Variants in KATNA1 observed in about 807,000 individuals in gnomAD.
The protein encoded by KATNA1 is katanin p60 ATPase-containing subunit A1.
A neutral mutation model predicts 62.6 loss-of-function variants in KATNA1; 42 were observed. The observed-to-expected ratio is 0.67, with a 90% CI of 0.52 to 0.87. The LOEUF is 0.87. Among genes scored for constraint, KATNA1 ranks in the 40% least tolerant of loss-of-function variants. KATNA1 has a pLI of 0.00. For synonymous variants in KATNA1, 186 were observed against 201.9 expected (o/e 0.92, Z 0.67); for missense variants, 498 against 612.5 (o/e 0.81, Z 1.97).
rs1370873161 is a variant in KATNA1 at position 149,632,890 on chromosome 6, A to C, written c.189T>G (p.Ala63=). ...QQVWQEINVE[A]KHVKDIMKTL... is the part of the protein sequence containing the mutation. ...TTTTCATGATATCTTTAACATGTTT[A>C]GCTTCCACATTTATTTCCTGCCAAA... Residue 63 remains alanine (A), a synonymous_variant, in exon 3 of 11, where the codon GCT becomes GCG. Transcript: ENST00000367411. 2 of 1,608,096 alleles carry C rather than the reference A, an allele frequency of 1.2e-6. No homozygotes were observed. The highest frequency in any genetic ancestry group is 1.7e-6 in the Non-Finnish European group (2 of 1,178,812).
chr6:149,600,598 A>C (rs1778500505), intron 7 of KATNA1, among the ~76,000 whole-genome samples: 2 of 151,906 alleles, frequency 1.3e-5, no homozygotes, highest in African/African-American at 4.8e-5. Flanking sequence ...GCAACACTGC[A>C]CTCCAGCCTA....
intron 4 of KATNA1, among the ~76,000 whole-genome samples, chr6:149,612,337 G>A (rs1255721137): frequency 6.6e-6 from 1 of 152,032 alleles, no homozygotes; most frequent in African/African-American, 2.4e-5. Flanking sequence ...GTGAAACTCT[G>A]TCTCTACTAA....
intron 10 of KATNA1, 92 bp from the exon 11 acceptor site, chr6:149,595,326 T>C (rs1778260694): frequency 1.2e-6 from 1 of 852,394 alleles, no homozygotes; most frequent in African/African-American, 1.7e-5. Flanking sequence ...ATTGATCTGT[T>C]GTAGCATTCT....
chr6:149,648,404 G>A (rs956513994), intron 1 of KATNA1, 65 bp downstream of exon 1: 4 of 152,428 alleles, frequency 2.6e-5, no homozygotes, highest in Non-Finnish European at 4.4e-5. Context: ...GGCCCCCCGA[G>A]TCCCTCACCA....
chr6:149,626,945 C>G (rs1212833993), intron 3 of KATNA1, among the ~76,000 whole-genome samples: 1 of 151,816 alleles, frequency 6.6e-6, no homozygotes, highest in Non-Finnish European at 1.5e-5. Context: ...GGTCATGCCA[C>G]TGCACTCCAG....
chr6:149,637,768 C>A (rs1374909805), intron 2 of KATNA1, among the ~76,000 whole-genome samples: 1 of 150,166 alleles, frequency 6.7e-6, no homozygotes, highest in Non-Finnish European at 1.5e-5. Context: ...CGAGATCGTG[C>A]CACTGCACTC....
intron 3 of KATNA1, among the ~76,000 whole-genome samples, 179 bp from the exon 4 acceptor site, chr6:149,623,462 C>T (rs1277870953): frequency 3.9e-5 from 6 of 152,116 alleles, no homozygotes; most frequent in Admixed American, 6.6e-5. Flanking sequence ...CTGGGCAAGG[C>T]GCGGTGGCTC....
chr6:149,604,878 G>T, intron 4 of KATNA1, 96 bp from the exon 5 acceptor site: 1 of 1,216,112 alleles, frequency 8.2e-7, no homozygotes. Context: ...CCTTTAAAAA[G>T]CTAATACATC....
intron 3 of KATNA1, among the ~76,000 whole-genome samples, chr6:149,628,603 C>CCT (rs1779711659): frequency 6.6e-6 from 1 of 151,618 alleles, no homozygotes; most frequent in Non-Finnish European, 1.5e-5. Flanking sequence ...AGGTGGATCA[C>CCT]GAGGTCAGGA....
intron 8 of KATNA1, 131 bp downstream of exon 8, chr6:149,598,093 G>C (rs1778396763): frequency 2.1e-6 from 2 of 963,592 alleles, no homozygotes; most frequent in Non-Finnish European, 3.1e-6. Context: ...ACCCCCTCTA[G>C]TCCATCTGAA....
intron 4 of KATNA1, among the ~76,000 whole-genome samples, chr6:149,617,955 T>A (rs1166001756): frequency 7.2e-6 from 1 of 138,048 alleles, no homozygotes; most frequent in Non-Finnish European, 1.5e-5. Flanking sequence ...AATAAATAAA[T>A]AAATAAATAA....
intron 1 of KATNA1, among the ~76,000 whole-genome samples, chr6:149,644,342 C>T (rs1780401521): frequency 6.6e-6 from 1 of 152,010 alleles, no homozygotes; most frequent in Admixed American, 6.6e-5. Flanking sequence ...CTAAAATAGT[C>T]AGGCATGGTG....
intron 4 of KATNA1, among the ~76,000 whole-genome samples, chr6:149,613,112 G>A (rs995768556): frequency 1.1e-4 from 16 of 142,008 alleles, no homozygotes; most frequent in African/African-American, 3.1e-4. Context: ...CCCGGGAGGC[G>A]GAGCTTGCAG....
intron 1 of KATNA1, among the ~76,000 whole-genome samples, chr6:149,641,501 A>T (rs899173034): frequency 1.3e-5 from 2 of 151,946 alleles, no homozygotes; most frequent in Non-Finnish European, 2.9e-5. Context: ...TTTTAACCAA[A>T]CTTCTAAACA....
intron 3 of KATNA1, among the ~76,000 whole-genome samples, chr6:149,629,339 A>T (rs1199261564): frequency 1.3e-5 from 2 of 152,070 alleles, no homozygotes; most frequent in Non-Finnish European, 2.9e-5. Context: ...GAAAGAGCTT[A>T]CTCACTCTCT....
chr6:149,605,465 C>T (rs1031497596), intron 4 of KATNA1, among the ~76,000 whole-genome samples: 1 of 152,152 alleles, frequency 6.6e-6, no homozygotes, highest in Non-Finnish European at 1.5e-5. Flanking sequence ...CTACTTGTCC[C>T]TCATCAATGC....
intron 2 of KATNA1, among the ~76,000 whole-genome samples, chr6:149,634,936 G>A (rs1279046852): frequency 1.5e-5 from 2 of 129,250 alleles, no homozygotes; most frequent in East Asian, 4.8e-4. Context: ...TTTTTTAAAA[G>A]CAGTCTTTTT....
At chr6:149,625,607 G>A (rs1251198288) in intron 3 of KATNA1, among the ~76,000 whole-genome samples, 2 of 151,864 alleles carry the variant, frequency 1.3e-5, no homozygotes, top group African/African-American at 2.4e-5. Flanking sequence ...TCCAGCCTGG[G>A]AAACAGACCA....
Position 149,601,720 on chromosome 6 carries a change from C to T in KATNA1, c.762G>A (p.Gly254=). The T allele has an allele frequency of 6.2e-7, 1 of 1,609,212 alleles. No homozygotes were observed. Among genetic ancestry groups the T allele is most frequent in the Admixed American group, 1.7e-5 (1 of 58,612 alleles). The change falls in exon 7 of 11, where the codon GGG becomes GGA. Residue 254 remains glycine, a synonymous_variant. Coordinates refer to ENST00000367411, the MANE Select transcript of KATNA1 (RefSeq NM_007044.4). ...GVLMVGPPGT[G]KTLLAKAVAT... is the part of the protein sequence containing the mutation. ...CTACTGCTTTAGCAAGGAGCGTCTT[C>T]CCCGTGCCAGGTGGGCCGACCATCA...
Sources: gnomAD v4.1 joint callset for allele counts (sites outside exome capture counted in the v4.1 genomes callset) on GRCh38, gnomAD v4.1.1 for gene constraint, MANE v1.5 for transcripts, NCBI Gene and HGNC (gene_info 2026-07-23, HGNC 2026-07-21) for gene names.